SLC24A3: variants seen among roughly 807,000 people sequenced by gnomAD.
SLC24A3 encodes the protein sodium/potassium/calcium exchanger 3.
Under a neutral mutation model 75.8 loss-of-function variants are expected in SLC24A3, and 28 were observed. The ratio of observed to expected loss-of-function variants is 0.37; its 90% CI spans 0.27 to 0.51. The LOEUF is 0.51. Among genes scored for constraint, SLC24A3 ranks in the 20% least tolerant of loss-of-function variants. The pLI, the probability that SLC24A3 is intolerant of heterozygous loss-of-function variation, is 0.94. For missense variants in SLC24A3, 663 were observed against 847.8 expected (o/e 0.78, Z 2.71); for synonymous variants, 372 against 334.1 (o/e 1.11, Z -1.24).
intron 2 of SLC24A3, among the ~76,000 whole-genome samples, chr20:19,417,217 G>A (rs777094054): frequency 2.0e-5 from 3 of 152,184 alleles, no homozygotes; most frequent in Non-Finnish European, 4.4e-5. Context: ...CCTGAAGACA[G>A]TAAGGAATGG....
intron 7 of SLC24A3, among the ~76,000 whole-genome samples, chr20:19,658,928 A>C (rs563462084): frequency 6.6e-6 from 1 of 152,340 alleles, no homozygotes; most frequent in East Asian, 1.9e-4. Context: ...GCAGACGGAC[A>C]GTTTTTTGTA....
chr20:19,276,641 G>C (rs892272227), intron 1 of SLC24A3, among the ~76,000 whole-genome samples: 11 of 152,098 alleles, frequency 7.2e-5, no homozygotes, highest in Admixed American at 3.9e-4. Flanking sequence ...GTGGTGGCTC[G>C]TGCGTATAAT....
In SLC24A3 at chr20:19,722,114, T is replaced by C. The variant is rs1039035187; in HGVS notation, c.*974T>C. 2.6e-5 allele frequency: 4 copies of C among 152,728 alleles called. No homozygotes were observed. The highest frequency in any genetic ancestry group is 9.6e-5 in the African/African-American group (4 of 41,468). The allele number at this position is 152,728 out of a possible 1,614,324, so 9.5% of individuals were successfully genotyped here. On this transcript the variant is annotated 3_prime_UTR_variant, in exon 17 of 17. Transcript: ENST00000328041. ...AGTCCCTGAGATGTGCTCTTGTTGT[T>C]TGGCATTTGGGGTGACAGGGAGTGA...
At chr20:19,639,599 G>C (rs2032046875) in intron 6 of SLC24A3, among the ~76,000 whole-genome samples, 1 of 152,280 alleles carries the variant, frequency 6.6e-6, no homozygotes, top group Admixed American at 6.5e-5. Flanking sequence ...TGCAGGTGGA[G>C]GTGCCTGCCA....
intron 15 of SLC24A3, among the ~76,000 whole-genome samples, chr20:19,708,753 G>T (rs1280124955): frequency 6.6e-6 from 1 of 152,154 alleles, no homozygotes; most frequent in Admixed American, 6.5e-5. Flanking sequence ...AATGAACGAG[G>T]CTTCTCAAGG....
chr20:19,661,800 G>C (rs3790284), intron 7 of SLC24A3, among the ~76,000 whole-genome samples: 2 of 152,124 alleles, frequency 1.3e-5, no homozygotes, highest in South Asian at 4.2e-4. Flanking sequence ...CTTCTCTCCC[G>C]CGTATACTAG....
At chr20:19,254,132 C>T (rs970687364) in intron 1 of SLC24A3, among the ~76,000 whole-genome samples, 6 of 152,202 alleles carry the variant, frequency 3.9e-5, no homozygotes, top group African/African-American at 7.2e-5. Context: ...GAAATAATCA[C>T]GCCTGTGCCC....
intron 3 of SLC24A3, among the ~76,000 whole-genome samples, chr20:19,565,301 C>T (rs148381695): frequency 2.6e-3 from 399 of 152,166 alleles, no homozygotes; most frequent in Middle Eastern, 0.01. Flanking sequence ...TGCTTTGCTA[C>T]GAATGTTTCA....
chr20:19,343,928 T>C (rs1458404844), intron 2 of SLC24A3, among the ~76,000 whole-genome samples: 1 of 152,182 alleles, frequency 6.6e-6, no homozygotes, highest in African/African-American at 2.4e-5. Flanking sequence ...TCGGACTTGT[T>C]TTCTAAAGCC....
chr20:19,583,979 G>A (rs911654857), intron 4 of SLC24A3, among the ~76,000 whole-genome samples: 1 of 152,182 alleles, frequency 6.6e-6, no homozygotes, highest in Non-Finnish European at 1.5e-5. Context: ...CTACATCAGG[G>A]CCACACCGCC....
intron 3 of SLC24A3, among the ~76,000 whole-genome samples, chr20:19,552,762 C>G (rs1470597767): frequency 6.6e-6 from 1 of 152,158 alleles, no homozygotes; most frequent in Non-Finnish European, 1.5e-5. Context: ...TGCACTCTCC[C>G]TGGCCTGTAA....
chr20:19,301,670 A>G (rs924742590), intron 2 of SLC24A3, among the ~76,000 whole-genome samples: 3 of 152,188 alleles, frequency 2.0e-5, no homozygotes, highest in Non-Finnish European at 4.4e-5. Context: ...GAGGTCAGCT[A>G]TTAAGTTCTT....
chr20:19,278,669 T>A (rs993098612), intron 1 of SLC24A3, among the ~76,000 whole-genome samples: 12 of 152,244 alleles, frequency 7.9e-5, no homozygotes, highest in African/African-American at 2.7e-4. Context: ...GTCCTCATAA[T>A]CTGGGCTAAG....
At chr20:19,584,719 C>G (rs1168113091) in intron 4 of SLC24A3, among the ~76,000 whole-genome samples, 1 of 152,198 alleles carries the variant, frequency 6.6e-6, no homozygotes, top group African/African-American at 2.4e-5. Context: ...TAGTTCCCTC[C>G]CCAAACCTGT....
At chr20:19,219,469 T>G (rs932415255) in intron 1 of SLC24A3, among the ~76,000 whole-genome samples, 1 of 152,138 alleles carries the variant, frequency 6.6e-6, no homozygotes, top group Non-Finnish European at 1.5e-5. Flanking sequence ...TTCATCCTCG[T>G]GGTGCTCAAG....
intron 1 of SLC24A3, among the ~76,000 whole-genome samples, 154 bp from the exon 2 acceptor site, chr20:19,280,805 G>A (rs8121839): frequency 8.1e-4 from 124 of 152,280 alleles, no homozygotes; most frequent in African/African-American, 2.5e-3. Context: ...CCACTGGTGC[G>A]GCAAGGAAGC....
chr20:19,241,044 G>A (rs1222934278), intron 1 of SLC24A3, among the ~76,000 whole-genome samples: 1 of 152,208 alleles, frequency 6.6e-6, no homozygotes, highest in Non-Finnish European at 1.5e-5. Context: ...CTGTCCCGGT[G>A]AAGAGGGTTG....
intron 2 of SLC24A3, among the ~76,000 whole-genome samples, chr20:19,433,704 A>G (rs1161027596): frequency 6.6e-6 from 1 of 152,226 alleles, no homozygotes; most frequent in East Asian, 1.9e-4. Flanking sequence ...ACTGCCACTG[A>G]AAAAATAGTG....
chr20:19,717,262 A>T (rs1434630831), intron 15 of SLC24A3, among the ~76,000 whole-genome samples: 1 of 152,100 alleles, frequency 6.6e-6, no homozygotes, highest in Non-Finnish European at 1.5e-5. Context: ...GCCGTGGGGC[A>T]CTCCAGCCAG....
Sources: allele counts gnomAD v4.1 joint callset (sites outside exome capture counted in the v4.1 genomes callset), GRCh38; gene constraint gnomAD v4.1.1; transcripts MANE v1.5; gene names NCBI Gene and HGNC (gene_info 2026-07-23, HGNC 2026-07-21).